The following GAD1 variants were observed in gnomAD, a reference collection of about 807,000 sequenced individuals.
GAD1 encodes the protein glutamate decarboxylase 1, also known as 67 kDa glutamic acid decarboxylase.
Under a neutral mutation model 75.2 loss-of-function variants are expected in GAD1, and 35 were observed. The ratio of observed to expected loss-of-function variants is 0.47; its 90% confidence interval spans 0.36 to 0.62. The LOEUF (loss-of-function observed/expected upper bound fraction) is 0.62, where lower values mean the gene tolerates loss of function less well. Ranked by LOEUF, GAD1 falls within the 20% of genes least tolerant of loss-of-function variation. GAD1 has a pLI of 0.00. For synonymous variants in GAD1, 257 were observed against 271.9 expected (o/e 0.95, Z 0.54); for missense variants, 490 against 758.5 (o/e 0.65, Z 4.16).
At chr2:170,852,898 T>C (rs897363005) in intron 13 of GAD1, 106 bp downstream of exon 13, 4 of 950,082 alleles carry the variant, frequency 4.2e-6, no homozygotes, top group Admixed American at 3.8e-5. Context: ...ACTCACGAGA[T>C]TGGCAGCCCC....
chr2:170,837,596 AG>A (rs3838550), intron 6 of GAD1, among the ~76,000 whole-genome samples: 8,150 of 152,278 alleles, frequency 0.054, 442 homozygotes, highest in East Asian at 0.24. Context: ...TAATCGATGG[AG>A]GGGCCATCAG....
chr2:170,822,617 C>T (rs890101082), intron 3 of GAD1, among the ~76,000 whole-genome samples: 1 of 152,238 alleles, frequency 6.6e-6, no homozygotes, highest in Non-Finnish European at 1.5e-5. Flanking sequence ...CTCCCCCATC[C>T]CCTACATCAT....
At chr2:170,857,209 A>C in intron 15 of GAD1, 84 bp downstream of exon 15, 4 of 1,036,158 alleles carry the variant, frequency 3.9e-6, no homozygotes, top group Non-Finnish European at 6.1e-6. Context: ...CAACATGGGA[A>C]AATCAATCCC....
chr2:170,813,905 C>G (rs1307265647), upstream of GAD1, among the ~76,000 whole-genome samples: 2 of 152,088 alleles, frequency 1.3e-5, no homozygotes, highest in Admixed American at 1.3e-4. Context: ...CTGGAGGGGT[C>G]GCATATCGCC....
intron 5 of GAD1, among the ~76,000 whole-genome samples, chr2:170,835,988 G>C (rs531871049): frequency 6.6e-6 from 1 of 152,256 alleles, no homozygotes; most frequent in African/African-American, 2.4e-5. Flanking sequence ...GGTATCTTCT[G>C]ATATGAGAAG....
intron 3 of GAD1, among the ~76,000 whole-genome samples, chr2:170,822,518 C>G (rs1701916536): frequency 2.0e-5 from 3 of 152,242 alleles, no homozygotes; most frequent in African/African-American, 4.8e-5. Flanking sequence ...CTGCGCGTCC[C>G]AAAGGTCGCG....
upstream of GAD1, among the ~76,000 whole-genome samples, chr2:170,814,095 T>C (rs1487931970): frequency 6.6e-6 from 1 of 152,074 alleles, no homozygotes; most frequent in Admixed American, 6.5e-5. Flanking sequence ...CCAGGAATGA[T>C]AAAAGATTAA....
intron 5 of GAD1, among the ~76,000 whole-genome samples, chr2:170,831,759 AAATATTTATATAT>A (rs1265335400): frequency 0.021 from 3,002 of 145,340 alleles, 112 homozygotes; most frequent in Admixed American, 0.1. Flanking sequence ...AATAATATAT[AAATATTTATATAT>A]AATATTTATA....
At chr2:170,845,382 T>C (rs1702606705) in intron 7 of GAD1, 124 bp from the exon 8 acceptor site, 1 of 843,476 alleles carries the variant, frequency 1.2e-6, no homozygotes, top group Non-Finnish European at 2.0e-6. Flanking sequence ...CAGCAAAACC[T>C]ATCAGGATAT....
At chr2:170,838,524 C>G (rs1444190798) in intron 6 of GAD1, among the ~76,000 whole-genome samples, 1 of 152,162 alleles carries the variant, frequency 6.6e-6, no homozygotes, top group African/African-American at 2.4e-5. Context: ...GTAAAAGATA[C>G]ATATCTATTA....
intron 12 of GAD1, 155 bp from the exon 13 acceptor site, chr2:170,852,559 C>A: frequency 1.4e-6 from 1 of 702,320 alleles, no homozygotes; most frequent in Non-Finnish European, 2.6e-6. Context: ...CCGAGACTGC[C>A]TGCAAAACAT....
At chr2:170,848,087 A>G (rs1452543584) in intron 11 of GAD1, among the ~76,000 whole-genome samples, 1 of 152,200 alleles carries the variant, frequency 6.6e-6, no homozygotes, top group African/African-American at 2.4e-5. Context: ...GCTACAGAAT[A>G]AAATATAACT....
At chr2:170,849,086 G>T in intron 11 of GAD1, 200 bp from the exon 12 acceptor site, 1 of 650,978 alleles carries the variant, frequency 1.5e-6, no homozygotes, top group East Asian at 2.8e-5. Flanking sequence ...CTAAAGTCCA[G>T]AGGAACTTTG....
intron 14 of GAD1, among the ~76,000 whole-genome samples, chr2:170,854,821 CT>C (rs1233487499): frequency 3.3e-5 from 5 of 152,124 alleles, no homozygotes; most frequent in Non-Finnish European, 7.4e-5. Context: ...AAAATGTATA[CT>C]TTATTGTGAA....
chr2:170,854,047 T>C (rs1702801165), intron 14 of GAD1, 25 bp downstream of exon 14: 1 of 1,613,794 alleles, frequency 6.2e-7, no homozygotes, highest in Non-Finnish European at 8.5e-7. Context: ...GTTCAGGAAA[T>C]AGAGCAGAAA....
chr2:170,834,947 T>C (rs1193297406), intron 5 of GAD1, among the ~76,000 whole-genome samples: 1 of 151,916 alleles, frequency 6.6e-6, no homozygotes, highest in Non-Finnish European at 1.5e-5. Flanking sequence ...TTTTTGTATT[T>C]TTTTAGTAGA....
chr2:170,826,397 A>T lies in GAD1; in HGVS notation c.146-3078A>T, dbSNP rs1167769613. Among the ~76,000 whole-genome samples the T allele has an allele frequency of 2.6e-5, 4 of 152,014 alleles. No homozygotes were observed. In the South Asian group the frequency reaches 6.3e-4, roughly 24 times the overall value. On this transcript the variant is annotated intron_variant, in intron 3 of 16. Transcript: ENST00000358196. ...GCCTGACCAACATGGCGAAACCCCC[A>T]TCTCTACTAAAAATACAAAAATTAG...
intron 2 of GAD1, 118 bp from the exon 3 acceptor site, chr2:170,821,969 T>G: frequency 1.1e-6 from 1 of 887,282 alleles, no homozygotes; most frequent in Non-Finnish European, 1.8e-6. Flanking sequence ...GGAAGTAGCT[T>G]TTAATGAAGA....
intron 12 of GAD1, among the ~76,000 whole-genome samples, chr2:170,851,937 G>T (rs533941211): frequency 6.6e-6 from 1 of 152,072 alleles, no homozygotes; most frequent in Non-Finnish European, 1.5e-5. Context: ...TAGTCCAGTC[G>T]AGCCTTGCTT....
Sources: gnomAD v4.1 joint callset for allele counts (sites outside exome capture counted in the v4.1 genomes callset) on GRCh38, gnomAD v4.1.1 for gene constraint, MANE v1.5 for transcripts, NCBI Gene and HGNC (gene_info 2026-07-23, HGNC 2026-07-21) for gene names.